Variants in IL1R1 observed in about 807,000 individuals in gnomAD.
IL1R1 encodes the protein interleukin 1 receptor type 1.
A neutral mutation model predicts 50.2 loss-of-function variants in IL1R1; 22 were observed. That is an observed-to-expected ratio of 0.44 (90% CI 0.31 to 0.63). The LOEUF (loss-of-function observed/expected upper bound fraction) is 0.63. IL1R1 is among the 20% of genes least tolerant of loss of function. The pLI is 0.07. For synonymous variants in IL1R1, 251 were observed against 236.7 expected (o/e 1.06, Z -0.55); for missense variants, 509 against 676.2 (o/e 0.75, Z 2.74).
chr2:102,086,511 T>C (rs1260127140), intron 1 of IL1R1, among the ~76,000 whole-genome samples: 1 of 151,790 alleles, frequency 6.6e-6, no homozygotes, highest in East Asian at 1.9e-4. Flanking sequence ...ATTATTACTT[T>C]AAATATTTTC....
chr2:102,163,277 A>G (rs1578010101), intron 3 of IL1R1, among the ~76,000 whole-genome samples: 1 of 152,162 alleles, frequency 6.6e-6, no homozygotes, highest in Admixed American at 6.6e-5. Context: ...CTATGTATAC[A>G]TCATTTTTGT....
upstream of IL1R1, among the ~76,000 whole-genome samples, chr2:102,140,721 CA>C (rs1406683539): frequency 3.3e-5 from 5 of 152,104 alleles, no homozygotes; most frequent in Non-Finnish European, 7.3e-5. Context: ...GCAGGCACAC[CA>C]GTTATCCAAG....
intron 1 of IL1R1, among the ~76,000 whole-genome samples, chr2:102,108,850 A>G (rs1388798082): frequency 6.6e-6 from 1 of 151,846 alleles, no homozygotes. Context: ...AAAAACTTTA[A>G]GGAGGCATCG....
intron 1 of IL1R1, among the ~76,000 whole-genome samples, chr2:102,135,913 C>T (rs1682317513): frequency 6.6e-6 from 1 of 152,056 alleles, no homozygotes; most frequent in Non-Finnish European, 1.5e-5. Context: ...AGTCATGTTT[C>T]CAGAGGCTAC....
chr2:102,080,073 C>T (rs538023905), intron 1 of IL1R1, among the ~76,000 whole-genome samples: 1 of 152,142 alleles, frequency 6.6e-6, no homozygotes, highest in South Asian at 2.1e-4. Context: ...ATACTGTACA[C>T]AAAAATTTAC....
chr2:102,144,463 G>GT (rs1053255246), intron 1 of IL1R1, among the ~76,000 whole-genome samples: 35 of 149,036 alleles, frequency 2.3e-4, no homozygotes, highest in African/African-American at 2.9e-4. Context: ...GTGACATCAA[G>GT]TTTTTTTTTT....
chr2:102,124,231 G>T (rs890280747), intron 1 of IL1R1, among the ~76,000 whole-genome samples: 1 of 152,128 alleles, frequency 6.6e-6, no homozygotes, highest in East Asian at 1.9e-4. Context: ...AGACCAGCCT[G>T]GGCAACATGG....
chr2:102,152,504 CAAAAAAAAAAAAAAAAAAAAAAAAAAAAA>C (rs70946674), intron 1 of IL1R1, among the ~76,000 whole-genome samples: 19 of 29,688 alleles, frequency 6.4e-4, no homozygotes, highest in Admixed American at 2.3e-3. Context: ...GACTCCGTCT[CAAAAAAAAAAAAAAAAAAAAAAAAAAAAA>C]AAAAAAAAGA....
At chr2:102,136,500 C>T (rs1257723233) in intron 1 of IL1R1, among the ~76,000 whole-genome samples, 1 of 151,790 alleles carries the variant, frequency 6.6e-6, no homozygotes, top group Non-Finnish European at 1.5e-5. Context: ...CCCCAGCCTC[C>T]CAAGTAGCTG....
At position 102,175,732 on chromosome 2, in the gene IL1R1, C is replaced by T. The variant is rs946583022; in HGVS notation, c.1303+87C>T. ...ATTCCATCTTTCTAGAAGATCGTGGCATAGGGGTATATGTTTCACAATTTT... is the reference window on the plus strand; with the variant it reads ...ATTCCATCTTTCTAGAAGATCGTGGTATAGGGGTATATGTTTCACAATTTT... On this transcript the variant is annotated intron_variant, in intron 11 of 11. Coordinates refer to ENST00000410023, the MANE Select transcript of IL1R1 (RefSeq NM_000877.4). 8 of 1,239,312 alleles carry T rather than the reference C, an allele frequency of 6.5e-6. 1 individual carries two copies. Among genetic ancestry groups the T allele is most frequent in the South Asian group, 6.0e-5 (5 of 83,566 alleles). 76.8% of individuals were successfully genotyped at this position (1,239,312 alleles called of 1,614,324 possible).
At position 102,167,442 on chromosome 2, in the gene IL1R1, GTTTTTTTTTTTTTT is replaced by G. The variant is rs3047461; in HGVS notation, c.656-1146_656-1133del. 7.3e-4 allele frequency among the ~76,000 whole-genome samples: 50 copies of G among 68,944 alleles called. 1 individual carries two copies. In the Admixed American group the frequency reaches 8.0e-3, roughly 11 times the overall value. 45.2% of individuals were successfully genotyped at this position (68,944 alleles called of 152,430 possible). A position where few individuals can be genotyped will look rare whatever the true frequency, so the allele number is the denominator to read the frequency against. ...GGGGACTATTTAAGCTAGGTTAAGT[GTTTTTTTTTTTTTT>G]TTTTTTTTTGAGATGGAGTCTCGCT... On this transcript the variant is annotated intron_variant, in intron 6 of 11. Coordinates refer to ENST00000410023, the MANE Select transcript of IL1R1 (RefSeq NM_000877.4).
chr2:102,120,999 T>G (rs1681374534), intron 1 of IL1R1, among the ~76,000 whole-genome samples: 1 of 152,214 alleles, frequency 6.6e-6, no homozygotes, highest in Non-Finnish European at 1.5e-5. Flanking sequence ...AAGCAGCTGC[T>G]TGGGGACTCT....
intron 1 of IL1R1, among the ~76,000 whole-genome samples, chr2:102,091,467 G>T (rs1002294017): frequency 6.6e-6 from 1 of 152,158 alleles, no homozygotes; most frequent in Admixed American, 6.5e-5. Context: ...CAGCTTCATG[G>T]ATAATGTATC....
intron 1 of IL1R1, among the ~76,000 whole-genome samples, chr2:102,091,620 C>T (rs750624542): frequency 3.9e-5 from 6 of 152,228 alleles, no homozygotes; most frequent in South Asian, 2.1e-4. Flanking sequence ...CATTTTTATA[C>T]GTTGGGAATA....
At chr2:102,133,255 A>AAAG (rs1488369425) in intron 1 of IL1R1, among the ~76,000 whole-genome samples, 1 of 149,874 alleles carries the variant, frequency 6.7e-6, no homozygotes, top group Non-Finnish European at 1.5e-5. Flanking sequence ...AAAAAAAAAA[A>AAAG]AAAAAAATCT....
intron 1 of IL1R1, among the ~76,000 whole-genome samples, chr2:102,151,035 G>A (rs1023362431): frequency 3.3e-5 from 5 of 152,302 alleles, no homozygotes; most frequent in Admixed American, 1.3e-4. Context: ...CTAAAGGTAC[G>A]TTTTGAATCT....
At chr2:102,101,332 G>A (rs902178353), upstream of IL1R1, among the ~76,000 whole-genome samples, 6 of 152,186 alleles carry the variant, frequency 3.9e-5, no homozygotes, top group Non-Finnish European at 5.9e-5. Context: ...TTGAAGCTTA[G>A]CTCTTTAACC....
Position 102,176,537 on chromosome 2 carries a change from T to C in IL1R1, c.1488T>C (p.Tyr496=), listed in dbSNP as rs759983544. The C allele has an allele frequency of 3.9e-5, 63 of 1,614,008 alleles. No individual in the cohort carries two copies. Among genetic ancestry groups the C allele is most frequent in the Middle Eastern group, 1.6e-4 (1 of 6,084 alleles). The change falls in exon 12 of 12, where the codon TAT becomes TAC. Residue 496 remains tyrosine, a synonymous_variant. Transcript: ENST00000410023. ...TTGAGCTGGAGAAAATCCAAGACTATGAGAAAATGCCAGAATCGATTAAAT... is the reference window on the plus strand; with the variant it reads ...TTGAGCTGGAGAAAATCCAAGACTACGAGAAAATGCCAGAATCGATTAAAT... ...VLLELEKIQD[Y]EKMPESIKFI...
chr2:102,120,845 T>C (rs985368559), intron 1 of IL1R1, among the ~76,000 whole-genome samples: 3 of 152,220 alleles, frequency 2.0e-5, no homozygotes, highest in African/African-American at 7.2e-5. Flanking sequence ...TAGTACATGG[T>C]GTGCGCACAA....
Sources: gnomAD v4.1 joint callset for allele counts (sites outside exome capture counted in the v4.1 genomes callset) on GRCh38, gnomAD v4.1.1 for gene constraint, MANE v1.5 for transcripts, NCBI Gene and HGNC (gene_info 2026-07-23, HGNC 2026-07-21) for gene names.